The following HELZ variants were observed in gnomAD, a reference collection of about 807,000 sequenced individuals.
HELZ encodes the protein helicase with zinc finger, also known as ATP-dependent RNA helicase with zinc finger domain.
In HELZ, 23 loss-of-function variants were observed where a neutral mutation model predicts 218.2. The ratio of observed to expected loss-of-function variants is 0.11; its 90% CI spans 0.08 to 0.15. The LOEUF (loss-of-function observed/expected upper bound fraction) is 0.15. Among genes scored for constraint, HELZ ranks in the 10% least tolerant of loss-of-function variants. The probability of loss-of-function intolerance (pLI) is 1.00; values close to 1 mark genes in which losing one functional copy is unlikely to be tolerated. For missense variants in HELZ, 1,813 were observed against 2,353.7 expected (o/e 0.77, Z 4.75); for synonymous variants, 814 against 829.4 (o/e 0.98, Z 0.32).
chr17:67,105,208 C>T (rs997187452), intron 31 of HELZ, among the ~76,000 whole-genome samples: 1 of 152,108 alleles, frequency 6.6e-6, no homozygotes, highest in East Asian at 1.9e-4. Flanking sequence ...TTTTACAAAG[C>T]GAGTATATAG....
chr17:67,155,999 AATAT>A (rs1817552030), intron 17 of HELZ, among the ~76,000 whole-genome samples: 2 of 91,340 alleles, frequency 2.2e-5, no homozygotes, highest in African/African-American at 1.1e-4. Flanking sequence ...TTTGTTATAT[AATAT>A]ATACACACAT....
In HELZ at chr17:67,193,641, G is replaced by A. The variant is rs560751870; in HGVS notation, c.557+326C>T. Among the ~76,000 whole-genome samples, 384 of 152,238 alleles carry A rather than the reference G, an allele frequency of 2.5e-3. 1 individual carries two copies. Among genetic ancestry groups the A allele is most frequent in the African/African-American group, 8.5e-3 (354 of 41,542 alleles). On this transcript the variant is annotated intron_variant, in intron 9 of 32. Transcript: ENST00000358691. ...TGAGGCAGGAGAATCACTTAAAGCC[G>A]GGAGGCAGAGGTTGCCGTGAGCCAA... is the stretch of plus-strand genomic sequence containing the variant.
intron 28 of HELZ, among the ~76,000 whole-genome samples, chr17:67,113,590 G>C (rs2037346544): frequency 1.3e-5 from 2 of 152,136 alleles, no homozygotes; most frequent in African/African-American, 4.8e-5. Context: ...CTTCCTCTGA[G>C]ACTGGTGATC....
chr17:67,070,789 A>C lies in HELZ; in HGVS notation c.*7463T>G, dbSNP rs2035867419. The C allele has an allele frequency of 1.3e-5, 2 of 152,172 alleles. No individual in the cohort carries two copies. Among genetic ancestry groups the C allele is most frequent in the Admixed American group, 1.3e-4 (2 of 15,284 alleles). 9.4% of individuals were successfully genotyped at this position (152,172 alleles called of 1,614,324 possible). A position where few individuals can be genotyped will look rare whatever the true frequency, so the allele number is the denominator to read the frequency against. ...TTTACTGCAAAGAAAAAAAATTGTT[A>C]TAATTTTGCCATAAGTTATGCCTAT... On this transcript the variant is annotated 3_prime_UTR_variant, in exon 33 of 33. Coordinates refer to ENST00000358691, the MANE Select transcript of HELZ (RefSeq NM_014877.4).
intron 18 of HELZ, chr17:67,150,222 C>T (rs8080855): frequency 0.19 from 52,820 of 285,496 alleles, 5,392 homozygotes; most frequent in African/African-American, 0.29. Flanking sequence ...ACTGTAGCCT[C>T]GGGCTCAGGT....
chr17:67,122,708 CA>C (rs568948212), intron 26 of HELZ, among the ~76,000 whole-genome samples: 1,662 of 143,400 alleles, frequency 0.012, 18 homozygotes, highest in South Asian at 0.02. Flanking sequence ...AACTCTATCT[CA>C]AAAAAAAAAC....
chr17:67,080,275 G>C (rs2036148628), intron 32 of HELZ, among the ~76,000 whole-genome samples: 1 of 151,986 alleles, frequency 6.6e-6, no homozygotes, highest in African/African-American at 2.4e-5. Context: ...TTTGTGCATT[G>C]AAATCTGTAT....
At chr17:67,202,019 CT>C (rs557831488) in intron 6 of HELZ, among the ~76,000 whole-genome samples, 88 of 151,044 alleles carry the variant, frequency 5.8e-4, no homozygotes, top group East Asian at 3.3e-3. Flanking sequence ...TCCCTAACTT[CT>C]TTTTTTTTAA....
intron 3 of HELZ, among the ~76,000 whole-genome samples, chr17:67,233,769 T>C (rs2041099879): frequency 6.6e-6 from 1 of 152,128 alleles, no homozygotes; most frequent in Non-Finnish European, 1.5e-5. Flanking sequence ...TTCTTTTTTT[T>C]CTTTAATGTC....
chr17:67,194,523 G>A (rs1425165810), intron 8 of HELZ, among the ~76,000 whole-genome samples: 3 of 152,144 alleles, frequency 2.0e-5, no homozygotes, highest in South Asian at 2.1e-4. Context: ...TGTCTGACAC[G>A]TCACTGTAGA....
chr17:67,209,694 T>C (rs2040403185), intron 5 of HELZ, among the ~76,000 whole-genome samples: 1 of 152,092 alleles, frequency 6.6e-6, no homozygotes, highest in South Asian at 2.1e-4. Context: ...AAGACTTCAG[T>C]TCAAAACCAC....
At chr17:67,234,929 T>C (rs941561608) in intron 3 of HELZ, among the ~76,000 whole-genome samples, 1 of 152,172 alleles carries the variant, frequency 6.6e-6, no homozygotes, top group Non-Finnish European at 1.5e-5. Context: ...TGTTCCCTGA[T>C]ATCCCCAAGA....
At chr17:67,084,662 C>CA (rs58150179) in intron 32 of HELZ, among the ~76,000 whole-genome samples, 23 of 126,484 alleles carry the variant, frequency 1.8e-4, no homozygotes, top group Non-Finnish European at 3.4e-4. Flanking sequence ...GACTCCGTCT[C>CA]AAAAAAAAAA....
At chr17:67,245,233 T>C (rs1015251287), upstream of HELZ, 27 of 983,650 alleles carry the variant, frequency 2.7e-5, no homozygotes, top group East Asian at 4.6e-4. Flanking sequence ...TTAAAGTGAC[T>C]CCCCCCGGCC....
At position 67,119,554 on chromosome 17, in the gene HELZ, C is replaced by A. The variant is rs564556101; in HGVS notation, c.3838+851G>T. Reference sequence around the variant, plus strand: ...GTATCTTGATTTTGGTGGAAGTTAACAACTCTGGATATTGTTAAAACTCAT... The same window carrying A: ...GTATCTTGATTTTGGTGGAAGTTAAAAACTCTGGATATTGTTAAAACTCAT... On this transcript the variant is annotated intron_variant, in intron 27 of 32. Coordinates refer to ENST00000358691, the MANE Select transcript of HELZ (RefSeq NM_014877.4). Among the ~76,000 whole-genome samples the A allele has an allele frequency of 3.3e-5, 5 of 152,220 alleles. No individual in the cohort carries two copies. The South Asian group carries it at 1.0e-3, about 32-fold the overall frequency.
At chr17:67,079,518 A>G (rs1406551599) in intron 32 of HELZ, among the ~76,000 whole-genome samples, 1 of 152,216 alleles carries the variant, frequency 6.6e-6, no homozygotes, top group Non-Finnish European at 1.5e-5. Context: ...CTTCCTCAGG[A>G]TAAGTGCCTA....
chr17:67,109,442 G>C lies in HELZ; in HGVS notation c.4163C>G (p.Pro1388Arg). The C allele has an allele frequency of 6.2e-7, 1 of 1,614,124 alleles. No individual in the cohort carries two copies. Among genetic ancestry groups the C allele is most frequent in the Non-Finnish European group, 8.5e-7 (1 of 1,180,024 alleles). ...TLLNQQQNNLPEQPNQIPPQP... is the reference protein window; with the variant it reads ...TLLNQQQNNLREQPNQIPPQP... Reference sequence around the variant, plus strand: ...AGGTGGTATCTGATTTGGTTGTTCAGGCAAATTATTCTGCTGCTGATTTAA... The same window carrying C: ...AGGTGGTATCTGATTTGGTTGTTCACGCAAATTATTCTGCTGCTGATTTAA... Residue 1388 changes from proline (P) to arginine (R), a missense_variant, in exon 29 of 33, where the codon CCT (proline) becomes CGT (arginine). Coordinates refer to ENST00000358691, the MANE Select transcript of HELZ (RefSeq NM_014877.4).
intron 12 of HELZ, among the ~76,000 whole-genome samples, chr17:67,180,961 G>C (rs1441442997): frequency 2.6e-5 from 4 of 151,526 alleles, no homozygotes; most frequent in African/African-American, 9.7e-5. Context: ...ACTGAGGCAG[G>C]AGAATCACTT....
intron 31 of HELZ, among the ~76,000 whole-genome samples, chr17:67,106,699 A>G (rs545517658): frequency 6.6e-6 from 1 of 152,326 alleles, no homozygotes; most frequent in South Asian, 2.1e-4. Flanking sequence ...GCAAATTCTG[A>G]TATTTGGGAA....
Sources: gnomAD v4.1 joint callset for allele counts (sites outside exome capture counted in the v4.1 genomes callset) on GRCh38, gnomAD v4.1.1 for gene constraint, MANE v1.5 for transcripts, NCBI Gene and HGNC (gene_info 2026-07-23, HGNC 2026-07-21) for gene names.